Variants in DLG2 observed in about 807,000 individuals in gnomAD.
DLG2 encodes disks large homolog 2.
A neutral mutation model predicts 132.5 loss-of-function variants in DLG2; 45 were observed. The observed-to-expected ratio is 0.34, with a 90% confidence interval of 0.27 to 0.44. DLG2 has a LOEUF of 0.44. DLG2 is among the 20% of genes least tolerant of loss of function. The pLI, the probability that DLG2 is intolerant of heterozygous loss-of-function variation, is 1.00. For missense variants in DLG2, 1,045 were observed against 1,196.9 expected (o/e 0.87, Z 1.87); for synonymous variants, 424 against 419.6 (o/e 1.01, Z -0.13).
At chr11:84,558,185 G>A (rs953351058) in intron 6 of DLG2, among the ~76,000 whole-genome samples, 2 of 152,084 alleles carry the variant, frequency 1.3e-5, no homozygotes, top group African/African-American at 4.8e-5. Context: ...CGCTTGTGAT[G>A]AACTTGAACA....
intron 18 of DLG2, among the ~76,000 whole-genome samples, chr11:83,732,391 C>T (rs1380750125): frequency 6.6e-6 from 1 of 152,090 alleles, no homozygotes; most frequent in Non-Finnish European, 1.5e-5. Flanking sequence ...GAGCTTAATA[C>T]CTACCAAGGT....
intron 17 of DLG2, among the ~76,000 whole-genome samples, chr11:83,826,562 G>A (rs2052843120): frequency 6.6e-6 from 1 of 152,166 alleles, no homozygotes; most frequent in Non-Finnish European, 1.5e-5. Flanking sequence ...ATGCTGGTTT[G>A]GAGAGGCAAC....
At chr11:83,920,098 T>G (rs2077587829) in intron 15 of DLG2, among the ~76,000 whole-genome samples, 1 of 152,138 alleles carries the variant, frequency 6.6e-6, no homozygotes, top group African/African-American at 2.4e-5. Context: ...TTCGTAAAAT[T>G]TGGACAAAGG....
In DLG2 at chr11:84,457,996, C is replaced by A. The variant is rs142684797; in HGVS notation, c.519+76574G>T. On this transcript the variant is annotated intron_variant, in intron 7 of 27. Transcript: ENST00000376104. Reference sequence around the variant, plus strand: ...CATAAAAATAAAATTCATCTGCAAGCCTGTTATCTACGTAAATGATAGTAA... The same window carrying A: ...CATAAAAATAAAATTCATCTGCAAGACTGTTATCTACGTAAATGATAGTAA... Among the ~76,000 whole-genome samples the A allele has an allele frequency of 7.2e-3, 1,080 of 150,868 alleles. 3 individuals are homozygous for A. Among genetic ancestry groups the A allele is most frequent in the Middle Eastern group, 0.017 (5 of 292 alleles).
intron 11 of DLG2, among the ~76,000 whole-genome samples, chr11:83,984,561 T>C (rs188073475): frequency 2.0e-5 from 3 of 152,294 alleles, no homozygotes; most frequent in Admixed American, 1.3e-4. Context: ...TAAGATTGCA[T>C]CTATCCTCAT....
At chr11:83,471,138 T>G (rs2091972815) in intron 24 of DLG2, among the ~76,000 whole-genome samples, 1 of 152,102 alleles carries the variant, frequency 6.6e-6, no homozygotes, top group African/African-American at 2.4e-5. Context: ...GTTACACATT[T>G]TCTTGTCTTC....
chr11:83,550,007 G>A (rs1034402038), intron 19 of DLG2, among the ~76,000 whole-genome samples: 1 of 152,132 alleles, frequency 6.6e-6, no homozygotes, highest in African/African-American at 2.4e-5. Flanking sequence ...TTTTATCGAA[G>A]GGAAGATTTA....
intron 19 of DLG2, among the ~76,000 whole-genome samples, chr11:83,610,348 A>G (rs984154052): frequency 3.3e-5 from 5 of 152,218 alleles, no homozygotes; most frequent in African/African-American, 7.2e-5. Flanking sequence ...AGCTAGGTCC[A>G]TGGTGCTGCA....
At chr11:85,086,657 C>T (rs1221358103) in intron 6 of DLG2, among the ~76,000 whole-genome samples, 1 of 152,124 alleles carries the variant, frequency 6.6e-6, no homozygotes, top group Non-Finnish European at 1.5e-5. Context: ...AGAGGCAAAT[C>T]ACACATATCT....
At chr11:84,205,897 T>C (rs1300791779) in intron 8 of DLG2, among the ~76,000 whole-genome samples, 3 of 152,066 alleles carry the variant, frequency 2.0e-5, no homozygotes, top group African/African-American at 4.8e-5. Context: ...AAATACAAGG[T>C]AGTACTCTGA....
At chr11:84,694,542 A>G (rs2058411432) in intron 6 of DLG2, among the ~76,000 whole-genome samples, 1 of 151,514 alleles carries the variant, frequency 6.6e-6, no homozygotes, top group South Asian at 2.1e-4. Context: ...ATAGTAATAG[A>G]GTGACAACTC....
chr11:83,780,200 G>GT (rs2094757394), intron 18 of DLG2, among the ~76,000 whole-genome samples: 2 of 152,180 alleles, frequency 1.3e-5, no homozygotes, highest in Admixed American at 6.5e-5. Context: ...CTTGGATGGC[G>GT]TATGTACTTT....
At chr11:85,067,852 AG>A (rs1328967839) in intron 6 of DLG2, among the ~76,000 whole-genome samples, 2 of 152,130 alleles carry the variant, frequency 1.3e-5, no homozygotes, top group African/African-American at 4.8e-5. Context: ...CAACAAAAAA[AG>A]AGAATTTTGG....
chr11:84,278,855 T>A (rs531381079), intron 7 of DLG2, among the ~76,000 whole-genome samples: 1 of 152,064 alleles, frequency 6.6e-6, no homozygotes, highest in Non-Finnish European at 1.5e-5. Context: ...GGGGTACATG[T>A]GCAGAACATG....
At chr11:85,323,000 T>C (rs967324364) in intron 3 of DLG2, among the ~76,000 whole-genome samples, 1 of 152,252 alleles carries the variant, frequency 6.6e-6, no homozygotes, top group African/African-American at 2.4e-5. Context: ...AACTTTTTAA[T>C]GACTGTTCAT....
intron 3 of DLG2, among the ~76,000 whole-genome samples, chr11:85,508,251 T>G (rs2093979614): frequency 6.6e-6 from 1 of 152,138 alleles, no homozygotes; most frequent in Non-Finnish European, 1.5e-5. Context: ...ACAGAGGATC[T>G]TTTTAAACAC....
intron 17 of DLG2, among the ~76,000 whole-genome samples, chr11:83,800,846 C>A (rs2044175468): frequency 6.6e-6 from 1 of 152,042 alleles, no homozygotes; most frequent in Non-Finnish European, 1.5e-5. Flanking sequence ...AGTTAACTAT[C>A]TTTATAAGAA....
chr11:85,310,334 C>A (rs2080236024), intron 3 of DLG2, among the ~76,000 whole-genome samples: 1 of 152,108 alleles, frequency 6.6e-6, no homozygotes, highest in South Asian at 2.1e-4. Context: ...TAAAGATAAC[C>A]AATCCCTCAT....
intron 5 of DLG2, among the ~76,000 whole-genome samples, chr11:85,130,302 ATCT>A (rs1243360906): frequency 2.0e-5 from 3 of 152,158 alleles, no homozygotes; most frequent in African/African-American, 7.2e-5. Context: ...CTGCTCATTA[ATCT>A]TCTTACAATC....
Sources: gnomAD v4.1 joint callset for allele counts (sites outside exome capture counted in the v4.1 genomes callset) on GRCh38, gnomAD v4.1.1 for gene constraint, MANE v1.5 for transcripts, NCBI Gene and HGNC (gene_info 2026-07-23, HGNC 2026-07-21) for gene names.